CLASP1: variants seen among roughly 807,000 people sequenced by gnomAD.
CLASP1 encodes CLIP-associating protein 1.
Under a neutral mutation model 192.3 loss-of-function variants are expected in CLASP1, and 38 were observed. That is an observed-to-expected ratio of 0.20 (90% confidence interval 0.15 to 0.26). The LOEUF (loss-of-function observed/expected upper bound fraction) is 0.26. CLASP1 is among the 10% of genes least tolerant of loss of function. The pLI is 1.00. For missense variants in CLASP1, 1,433 were observed against 1,932.5 expected (o/e 0.74, Z 4.85); for synonymous variants, 691 against 712.8 (o/e 0.97, Z 0.49).
At position 121,433,096 on chromosome 2, in the gene CLASP1, C is replaced by T. The variant is rs568035688; in HGVS notation, c.1913-2919G>A. ...CAGCACTTTAGGAGGCCAAGGTGAG[C>T]GGATCACCTGAGGTCAGGAGCTCGA... On this transcript the variant is annotated intron_variant, in intron 19 of 39. Coordinates refer to ENST00000263710, the Ensembl canonical transcript of CLASP1. Among the ~76,000 whole-genome samples the T allele has an allele frequency of 2.3e-3, 345 of 151,362 alleles. 1 individual carries two copies. Among genetic ancestry groups the T allele is most frequent in the African/African-American group, 6.7e-3 (277 of 41,264 alleles).
intron 2 of CLASP1, among the ~76,000 whole-genome samples, chr2:121,582,553 G>A (rs1343958326): frequency 1.3e-5 from 2 of 150,052 alleles, no homozygotes; most frequent in African/African-American, 4.9e-5. Flanking sequence ...GCAGAAAAGA[G>A]GGAAAGACAG....
In CLASP1 at chr2:121,631,287, CTTTTTTT is replaced by C. The variant is rs769717647; in HGVS notation, c.-286+18078_-286+18084del. 8.1e-4 allele frequency among the ~76,000 whole-genome samples: 103 copies of C among 127,592 alleles called. 2 individuals carry two copies. The highest frequency in any genetic ancestry group is 6.6e-3 in the South Asian group (24 of 3,634). The allele number at this position is 127,592 out of a possible 152,430, so 83.7% of individuals were successfully genotyped here. A position where few individuals can be genotyped will look rare whatever the true frequency, so the allele number is the denominator to read the frequency against. On this transcript the variant is annotated intron_variant, in intron 1 of 39. Transcript: ENST00000263710. ...ATGTTTCTACGCCATTTTAAAATTA[CTTTTTTT>C]TTTTTTTTTTTTGAAATGGAGTCTC...
intron 8 of CLASP1, among the ~76,000 whole-genome samples, chr2:121,479,355 A>G (rs1302961112): frequency 2.0e-5 from 3 of 152,354 alleles, no homozygotes; most frequent in Middle Eastern, 3.4e-3. Context: ...TATAAAACCA[A>G]TATTTAAAAA....
At chr2:121,410,940 T>C (rs777677060) in exon 24 of CLASP1, 21 of 1,610,580 alleles carry the variant, frequency 1.3e-5, no homozygotes, top group Middle Eastern at 1.6e-4. Context: ...GAACCAGGTA[T>C]TCTTCCTGGC....
chr2:121,478,717 A>ACACACACC, intron 8 of CLASP1, among the ~76,000 whole-genome samples: 1 of 27,926 alleles, frequency 3.6e-5, no homozygotes. Flanking sequence ...CACACACACA[A>ACACACACC]CCACACACAC....
intron 22 of CLASP1, among the ~76,000 whole-genome samples, chr2:121,424,714 AATTAG>A (rs1305934496): frequency 6.6e-6 from 1 of 152,214 alleles, no homozygotes; most frequent in Admixed American, 6.5e-5. Flanking sequence ...AAGTTTCACC[AATTAG>A]ATTAGAGAAG....
intron 2 of CLASP1, among the ~76,000 whole-genome samples, chr2:121,567,832 C>T (rs555731957): frequency 2.4e-4 from 36 of 152,248 alleles, no homozygotes; most frequent in South Asian, 8.3e-4. Flanking sequence ...ACCTTTGGAG[C>T]GCCACATAAT....
intron 2 of CLASP1, among the ~76,000 whole-genome samples, chr2:121,595,013 A>G (rs2062961101): frequency 6.6e-6 from 1 of 152,234 alleles, no homozygotes; most frequent in Non-Finnish European, 1.5e-5. Context: ...ACTATTTTAA[A>G]TATATTCATC....
At chr2:121,469,960 T>C (rs758666661) in exon 9 of CLASP1, 1 of 1,611,308 alleles carries the variant, frequency 6.2e-7, no homozygotes, top group Middle Eastern at 1.7e-4. Flanking sequence ...GAAATTTTTA[T>C]CTGAACAGTA....
chr2:121,509,831 C>G (rs2094067115), intron 7 of CLASP1, among the ~76,000 whole-genome samples: 1 of 152,000 alleles, frequency 6.6e-6, no homozygotes, highest in Non-Finnish European at 1.5e-5. Context: ...GAGTGAGACT[C>G]TGCCTCAAAA....
intron 37 of CLASP1, among the ~76,000 whole-genome samples, chr2:121,348,963 G>A (rs1051357494): frequency 2.6e-5 from 4 of 152,100 alleles, no homozygotes; most frequent in Non-Finnish European, 5.9e-5. Context: ...GTACTCGGCC[G>A]GGCGCGGTGG....
chr2:121,470,718 A>G (rs1269682818), intron 8 of CLASP1: 1 of 426,646 alleles, frequency 2.3e-6, no homozygotes. Context: ...ATAGTAGGTC[A>G]AAGAGTGTAA....
At chr2:121,628,721 T>C (rs1228467831) in intron 1 of CLASP1, among the ~76,000 whole-genome samples, 2 of 151,874 alleles carry the variant, frequency 1.3e-5, no homozygotes, top group African/African-American at 4.8e-5. Context: ...AATAAACACT[T>C]TAATGCACTG....
intron 36 of CLASP1, 44 bp from the exon 38 acceptor site, chr2:121,363,344 G>A (rs752180868): frequency 5.6e-6 from 9 of 1,608,156 alleles, no homozygotes; most frequent in Non-Finnish European, 7.6e-6. Context: ...ACACCACACA[G>A]CACTTTCACA....
rs988474245 is a variant in CLASP1, at chr2:121,528,921, C to G, written c.275-141G>C. The stretch of plus-strand genomic sequence containing the variant: ...CATTCTAAAACCACTCATCTTTGCT[C>G]ACAGCTCTACTCTCCTTGCTGAAGT... On this transcript the variant is annotated intron_variant, in intron 3 of 39. Transcript: ENST00000263710. The G allele has an allele frequency of 5.8e-6, 4 of 689,294 alleles. No homozygotes were observed. The African/African-American group carries it at 7.1e-5, about 12-fold the overall frequency. The allele number at this position is 689,294 out of a possible 1,614,324, so 42.7% of individuals were successfully genotyped here. A position where few individuals can be genotyped will look rare whatever the true frequency, so the allele number is the denominator to read the frequency against.
chr2:121,392,557 T>C (rs1018521967), intron 30 of CLASP1, among the ~76,000 whole-genome samples: 5 of 152,204 alleles, frequency 3.3e-5, no homozygotes, highest in African/African-American at 1.2e-4. Flanking sequence ...ACTACAAGCA[T>C]GCGCCACCAT....
Position 121,458,763 on chromosome 2 carries a change from C to G in CLASP1, c.1314+77G>C, listed in dbSNP as rs530066079. ...TAATGACTCAATATAATTATGTTAA[C>G]AAAAATGCCTCTAATATTTATCAAC... is the stretch of plus-strand genomic sequence containing the variant. On this transcript the variant is annotated intron_variant, in intron 13 of 39. Transcript: ENST00000263710. The G allele has an allele frequency of 8.5e-5, 98 of 1,149,266 alleles. 2 individuals carry two copies. In the South Asian group the frequency reaches 2.1e-3, roughly 25 times the overall value. The allele number at this position is 1,149,266 out of a possible 1,614,324, so 71.2% of individuals were successfully genotyped here.
intron 34 of CLASP1, among the ~76,000 whole-genome samples, chr2:121,371,684 C>T (rs1455430204): frequency 1.3e-5 from 2 of 152,186 alleles, no homozygotes; most frequent in Non-Finnish European, 2.9e-5. Context: ...AGTGGGAACA[C>T]GCTCTACTTC....
At chr2:121,613,295 T>C (rs554310544) in intron 1 of CLASP1, among the ~76,000 whole-genome samples, 1 of 152,208 alleles carries the variant, frequency 6.6e-6, no homozygotes, top group Non-Finnish European at 1.5e-5. Flanking sequence ...TGTCACATCA[T>C]CTTGGTCCAC....
Sources: gnomAD v4.1 joint callset for allele counts (sites outside exome capture counted in the v4.1 genomes callset) on GRCh38, gnomAD v4.1.1 for gene constraint, MANE v1.5 for transcripts, NCBI Gene and HGNC (gene_info 2026-07-23, HGNC 2026-07-21) for gene names.